The following PACRG variants were observed in gnomAD, a reference collection of about 807,000 sequenced individuals.
The protein encoded by PACRG is parkin coregulated gene protein.
A neutral mutation model predicts 29.7 loss-of-function variants in PACRG; 29 were observed. The ratio of observed to expected loss-of-function variants is 0.98; its 90% CI spans 0.73 to 1.33. PACRG has a LOEUF of 1.33. PACRG is among the 40% of genes most tolerant of loss of function. The probability of loss-of-function intolerance (pLI) is 0.00; values close to 1 mark genes in which losing one functional copy is unlikely to be tolerated. For missense variants in PACRG, 279 were observed against 316.2 expected, an observed-to-expected ratio of 0.88 and a Z score of 0.89; for synonymous variants, 116 against 118.7, an observed-to-expected ratio of 0.98 and a Z score of 0.15.
intron 1 of PACRG, among the ~76,000 whole-genome samples, chr6:162,779,258 C>G (rs1658329560): frequency 6.6e-6 from 1 of 152,314 alleles, no homozygotes; most frequent in South Asian, 2.1e-4. Context: ...ATATGTACCA[C>G]ATTTTCTTTA....
chr6:163,167,428 C>A (rs1288117569), intron 4 of PACRG, among the ~76,000 whole-genome samples: 1 of 152,144 alleles, frequency 6.6e-6, no homozygotes, highest in East Asian at 1.9e-4. Flanking sequence ...CTTCAGGGTT[C>A]TTTGCCAAGT....
chr6:162,814,769 G>A (rs185305227), intron 2 of PACRG, among the ~76,000 whole-genome samples: 156 of 152,150 alleles, frequency 1.0e-3, no homozygotes, highest in Non-Finnish European at 1.7e-3. Flanking sequence ...TCTCCTCTCC[G>A]TCCCCGCCTG....
rs551168601 is a variant in PACRG at position 162,922,834 on chromosome 6, A to G, written c.291+108553A>G. On this transcript the variant is annotated intron_variant, in intron 2 of 4. Coordinates refer to ENST00000366888, the MANE Select transcript of PACRG (RefSeq NM_001080379.2). Reference sequence around the variant, plus strand: ...GCTGATGGACATTCAGGTTGATTTCATATCTTGGCTACTGTGAATATGCTG... The same window carrying G: ...GCTGATGGACATTCAGGTTGATTTCGTATCTTGGCTACTGTGAATATGCTG... 3.4e-4 allele frequency among the ~76,000 whole-genome samples: 52 copies of G among 152,260 alleles called. 2 individuals are homozygous for G. The South Asian group carries it at 0.011, about 32-fold the overall frequency.
rs116073329 is a variant in PACRG, at chr6:163,280,848, T to A, written c.614-33979T>A. 1.6e-4 allele frequency among the ~76,000 whole-genome samples: 25 copies of A among 152,260 alleles called. No individual in the cohort carries two copies. In the South Asian group the frequency reaches 1.7e-3, roughly 10 times the overall value. The stretch of plus-strand genomic sequence containing the variant: ...CTTCCTTAGAGGTCCCATCTCCAGA[T>A]ACAGCCACACTGGGGGTTAGGACTT... On this transcript the variant is annotated intron_variant, in intron 4 of 4. Transcript: ENST00000366888.
Position 162,961,527 on chromosome 6 carries a change from A to T in PACRG, c.292-100623A>T, listed in dbSNP as rs112606568. Among the ~76,000 whole-genome samples the T allele has an allele frequency of 9.1e-3, 1,383 of 152,258 alleles. 16 individuals carry two copies. Among genetic ancestry groups the T allele is most frequent in the African/African-American group, 0.024 (999 of 41,558 alleles). On this transcript the variant is annotated intron_variant, in intron 2 of 4. Coordinates refer to ENST00000366888, the MANE Select transcript of PACRG (RefSeq NM_001080379.2). ...ATCCAGTGGTTGACCAGGCACCTGG[A>T]TTACAAACGCAACTAATCTAGTACC... is the stretch of plus-strand genomic sequence containing the variant.
At chr6:163,076,014 A>G (rs1812504866) in intron 3 of PACRG, among the ~76,000 whole-genome samples, 1 of 152,164 alleles carries the variant, frequency 6.6e-6, no homozygotes, top group Non-Finnish European at 1.5e-5. Flanking sequence ...ACTTCTATTC[A>G]CTATTCATTG....
At chr6:163,083,399 T>G (rs1813257455) in intron 3 of PACRG, among the ~76,000 whole-genome samples, 1 of 152,190 alleles carries the variant, frequency 6.6e-6, no homozygotes, top group Non-Finnish European at 1.5e-5. Context: ...TAAGTTGTCC[T>G]GCCTTTCCAG....
chr6:163,016,013 C>G (rs1204367306), intron 2 of PACRG, among the ~76,000 whole-genome samples: 1 of 152,146 alleles, frequency 6.6e-6, no homozygotes, highest in African/African-American at 2.4e-5. Flanking sequence ...TTCTTTTTCT[C>G]TGAATTTCTG....
chr6:163,076,347 C>G (rs74915112), intron 3 of PACRG, among the ~76,000 whole-genome samples: 2,197 of 152,184 alleles, frequency 0.014, 47 homozygotes, highest in African/African-American at 0.051. Flanking sequence ...CAGTTTACAC[C>G]CTCTGCGAGG....
At chr6:162,800,016 GGT>G (rs770699553) in intron 1 of PACRG, among the ~76,000 whole-genome samples, 20 of 152,082 alleles carry the variant, frequency 1.3e-4, no homozygotes, top group Non-Finnish European at 2.6e-4. Flanking sequence ...CTTAGAGTTA[GGT>G]GTGACAGTGT....
chr6:163,102,392 A>C (rs187278474), intron 4 of PACRG, among the ~76,000 whole-genome samples: 3 of 152,268 alleles, frequency 2.0e-5, no homozygotes, highest in Admixed American at 2.0e-4. Flanking sequence ...ACTGCAATCC[A>C]ATCTCAGATT....
intron 4 of PACRG, among the ~76,000 whole-genome samples, chr6:163,252,065 A>G (rs963478107): frequency 1.3e-5 from 2 of 152,204 alleles, no homozygotes; most frequent in Non-Finnish European, 1.5e-5. Context: ...CTGTCTGGTG[A>G]TCAGTGTTGC....
intron 4 of PACRG, among the ~76,000 whole-genome samples, chr6:163,162,503 T>A (rs1778597948): frequency 6.6e-6 from 1 of 152,228 alleles, no homozygotes; most frequent in Non-Finnish European, 1.5e-5. Flanking sequence ...TCTGCCAATT[T>A]CTTCCTCTCC....
At chr6:163,127,505 C>T (rs1816565631) in intron 4 of PACRG, among the ~76,000 whole-genome samples, 1 of 152,168 alleles carries the variant, frequency 6.6e-6, no homozygotes, top group African/African-American at 2.4e-5. Context: ...AGGTCTGCCG[C>T]ACAAGTGTGT....
At chr6:162,749,137 A>G (rs1052907193) in intron 1 of PACRG, among the ~76,000 whole-genome samples, 6 of 152,192 alleles carry the variant, frequency 3.9e-5, no homozygotes, top group Non-Finnish European at 8.8e-5. Flanking sequence ...GATTCCATTT[A>G]TATGGATATA....
chr6:163,314,695 C>T (rs1785576664), intron 4 of PACRG, 132 bp from the exon 5 acceptor site: 18 of 1,031,412 alleles, frequency 1.7e-5, no homozygotes, highest in South Asian at 1.6e-4. Context: ...TTTAAAACTC[C>T]GCAAGATCGT....
intron 2 of PACRG, among the ~76,000 whole-genome samples, chr6:162,979,829 T>G (rs532405700): frequency 6.6e-6 from 1 of 152,244 alleles, no homozygotes; most frequent in East Asian, 1.9e-4. Flanking sequence ...GAAAGTTTAA[T>G]GTGCTTTCTA....
intron 4 of PACRG, chr6:163,179,327 C>T (rs924565967): frequency 2.2e-6 from 1 of 445,612 alleles, no homozygotes; most frequent in African/African-American, 2.0e-5. Flanking sequence ...AGCCACTGCT[C>T]CCAAGACGAG....
intron 2 of PACRG, among the ~76,000 whole-genome samples, chr6:162,892,736 TA>T (rs1177999188): frequency 6.6e-6 from 1 of 152,176 alleles, no homozygotes; most frequent in Non-Finnish European, 1.5e-5. Context: ...TAGACTTTAT[TA>T]AAATCCTCTG....
Sources: allele counts gnomAD v4.1 joint callset (sites outside exome capture counted in the v4.1 genomes callset), GRCh38; gene constraint gnomAD v4.1.1; transcripts MANE v1.5; gene names NCBI Gene and HGNC (gene_info 2026-07-23, HGNC 2026-07-21).